Variants in PPP2R1B observed in about 807,000 individuals in gnomAD.
The protein encoded by PPP2R1B is protein phosphatase 2 scaffold subunit Abeta.
In PPP2R1B, 58 loss-of-function variants were observed where a neutral mutation model predicts 72.7. The ratio of observed to expected loss-of-function variants is 0.80; its 90% confidence interval spans 0.65 to 0.99. The LOEUF (loss-of-function observed/expected upper bound fraction) is 0.99. Among genes scored for constraint, PPP2R1B ranks in the 50% least tolerant of loss-of-function variants. PPP2R1B has a pLI of 0.00. For synonymous variants in PPP2R1B, 256 were observed against 264.6 expected, an observed-to-expected ratio of 0.97 and a Z score of 0.32; for missense variants, 695 against 733.6, an observed-to-expected ratio of 0.95 and a Z score of 0.61.
At chr11:111,766,081 G>T in intron 1 of PPP2R1B, 167 bp downstream of exon 1, 3 of 670,834 alleles carry the variant, frequency 4.5e-6, no homozygotes, top group East Asian at 2.8e-5. Context: ...GGGTCGGGGC[G>T]TGTCACCACA....
Position 111,743,391 on chromosome 11 carries a change from A to C in PPP2R1B, c.1539T>G (p.Thr513=). The change falls in exon 12 of 15, where the codon ACT becomes ACG. Residue 513 remains threonine (T), a synonymous_variant. Coordinates refer to ENST00000527614, the MANE Select transcript of PPP2R1B (RefSeq NM_002716.5). ...NDPNYLHRMT[T]LFCINALSEA... is the part of the protein sequence containing the mutation. ...TTATACTTACATTAATGCAGAATAA[A>C]GTGGTCATTCTATGCAAGTAATTAG... 6.2e-7 allele frequency: 1 copy of C among 1,610,316 alleles called. No individual in the cohort carries two copies.
intron 12 of PPP2R1B, among the ~76,000 whole-genome samples, chr11:111,742,889 T>C (rs181493037): frequency 6.6e-6 from 1 of 152,030 alleles, no homozygotes; most frequent in African/African-American, 2.4e-5. Context: ...TCTTTGTTTT[T>C]TTTTTTTTCA....
chr11:111,723,885 A>G (rs771422638), downstream of PPP2R1B: 8 of 1,613,376 alleles, frequency 5.0e-6, no homozygotes, highest in South Asian at 1.1e-5. Flanking sequence ...CAGTTCTCCT[A>G]TCAGACTTGT....
intron 14 of PPP2R1B, 119 bp downstream of exon 14, chr11:111,741,934 C>G (rs1944535275): frequency 1.1e-6 from 1 of 943,250 alleles, no homozygotes; most frequent in African/African-American, 1.6e-5. Flanking sequence ...CAGGAACTTA[C>G]TACCCTCCCT....
At chr11:111,742,214 G>C in intron 13 of PPP2R1B, 70 bp from the exon 14 acceptor site, 2 of 1,166,474 alleles carry the variant, frequency 1.7e-6, no homozygotes, top group Admixed American at 2.2e-5. Context: ...GGTGTATATG[G>C]TTAATGGTAA....
At chr11:111,762,221 A>C (rs1054420703) in intron 3 of PPP2R1B, among the ~76,000 whole-genome samples, 58 of 152,352 alleles carry the variant, frequency 3.8e-4, no homozygotes, top group Admixed American at 5.2e-4. Context: ...AGTGAAACAG[A>C]AGCATAATGA....
chr11:111,720,594 A>G, the PPP2R1B span: 1 of 1,614,080 alleles, frequency 6.2e-7, no homozygotes, highest in Non-Finnish European at 8.5e-7. Flanking sequence ...CCTTAAGGAC[A>G]TCATGTTAGC....
downstream of PPP2R1B, chr11:111,724,233 A>C: frequency 7.0e-7 from 1 of 1,423,964 alleles, no homozygotes; most frequent in Non-Finnish European, 9.3e-7. Flanking sequence ...CCTCTCCCTA[A>C]CGGGGAGAAA....
rs751010331 is a variant in PPP2R1B, at chr11:111,739,422, G to A, written c.*2174C>T. On this transcript the variant is annotated 3_prime_UTR_variant, in exon 15 of 15. Transcript: ENST00000527614. ...AGCCAAAGCACAATTCCTCTGAAGAGTACCAAAACAAATTCTCTCTCTATT... is the reference window on the plus strand; with the variant it reads ...AGCCAAAGCACAATTCCTCTGAAGAATACCAAAACAAATTCTCTCTCTATT... The A allele has an allele frequency of 1.3e-4, 128 of 985,288 alleles. No homozygotes were observed. Among genetic ancestry groups the A allele is most frequent in the Middle Eastern group, 1.0e-3 (2 of 1,914 alleles). 61.0% of individuals were successfully genotyped at this position (985,288 alleles called of 1,614,324 possible). A position where few individuals can be genotyped will look rare whatever the true frequency, so the allele number is the denominator to read the frequency against.
At chr11:111,723,511 ACT>A, downstream of PPP2R1B, 2 of 1,602,068 alleles carry the variant, frequency 1.2e-6, no homozygotes, top group East Asian at 2.2e-5. Flanking sequence ...AGCAGAAGCG[ACT>A]CTTTCTTCAG....
At chr11:111,723,702 T>C (rs780389642), downstream of PPP2R1B, 6 of 1,614,116 alleles carry the variant, frequency 3.7e-6, no homozygotes, top group South Asian at 2.2e-5. Flanking sequence ...TCCGAGCAGA[T>C]GCAATACAGC....
chr11:111,697,549 TG>T, the PPP2R1B span, among the ~76,000 whole-genome samples: 1 of 152,248 alleles, frequency 6.6e-6, no homozygotes, highest in East Asian at 1.9e-4. Flanking sequence ...GAAATGTAAG[TG>T]TTGTCCCTAT....
chr11:111,734,179 C>T (rs1944275785), downstream of PPP2R1B, among the ~76,000 whole-genome samples: 1 of 152,228 alleles, frequency 6.6e-6, no homozygotes, highest in African/African-American at 2.4e-5. Flanking sequence ...CCCACTCTGC[C>T]TATCTTACTT....
At chr11:111,747,172 C>T (rs938831157) in intron 11 of PPP2R1B, among the ~76,000 whole-genome samples, 5 of 152,106 alleles carry the variant, frequency 3.3e-5, no homozygotes, top group African/African-American at 4.8e-5. Context: ...GTCACATGAC[C>T]CCATAGGGGC....
the PPP2R1B span, among the ~76,000 whole-genome samples, chr11:111,713,916 G>A: frequency 3.3e-5 from 5 of 152,158 alleles, no homozygotes; most frequent in Non-Finnish European, 2.9e-5. Flanking sequence ...GCAGTGAGCC[G>A]AGATCGTGCC....
the PPP2R1B span, among the ~76,000 whole-genome samples, chr11:111,710,009 G>A: frequency 2.0e-4 from 30 of 152,324 alleles, no homozygotes; most frequent in East Asian, 2.7e-3. Flanking sequence ...CCAGTCATGC[G>A]TTGCCCTAAT....
rs117113318 is a variant in PPP2R1B at position 111,727,286 on chromosome 11, A to G, written c.1912-229T>C. On this transcript the variant is annotated intron_variant, in intron 15 of 15. Coordinates refer to the PPP2R1B transcript ENST00000311129. ...TGGGGATGGGGCTCAGGGGCTGTTCATGCCCATCTGAGCAAACCCCTTCTC... is the reference window on the plus strand; with the variant it reads ...TGGGGATGGGGCTCAGGGGCTGTTCGTGCCCATCTGAGCAAACCCCTTCTC... 7.6e-3 allele frequency: 4,369 copies of G among 574,472 alleles called. 22 individuals carry two copies. Among genetic ancestry groups the G allele is most frequent in the Middle Eastern group, 0.021 (46 of 2,160 alleles). 35.6% of individuals were successfully genotyped at this position (574,472 alleles called of 1,614,324 possible). A position where few individuals can be genotyped will look rare whatever the true frequency, so the allele number is the denominator to read the frequency against.
intron 1 of PPP2R1B, 71 bp downstream of exon 1, chr11:111,766,177 C>G (rs1555053060): frequency 1.3e-6 from 2 of 1,496,804 alleles, no homozygotes; most frequent in Admixed American, 3.4e-5. Context: ...CCCACCGCGA[C>G]GCAGGCCTTC....
chr11:111,759,052 C>T (rs1945230191), intron 5 of PPP2R1B, among the ~76,000 whole-genome samples: 2 of 152,144 alleles, frequency 1.3e-5, no homozygotes. Context: ...GGAGCTGATC[C>T]TATTAAGCAC....
Sources: allele counts gnomAD v4.1 joint callset (sites outside exome capture counted in the v4.1 genomes callset), GRCh38; gene constraint gnomAD v4.1.1; transcripts MANE v1.5; gene names NCBI Gene and HGNC (gene_info 2026-07-23, HGNC 2026-07-21).